The following FGF1 variants were observed in gnomAD, a reference collection of about 807,000 sequenced individuals.
FGF1 encodes beta-endothelial cell growth factor.
Under a neutral mutation model 13.4 loss-of-function variants are expected in FGF1, and 9 were observed. The observed-to-expected ratio is 0.67, with a 90% confidence interval of 0.40 to 1.17. The LOEUF is 1.17. Among genes scored for constraint, FGF1 ranks in the 50% most tolerant of loss-of-function variants. The probability of loss-of-function intolerance (pLI) is 0.01; values close to 1 mark genes in which losing one functional copy is unlikely to be tolerated. For missense variants in FGF1, 156 were observed against 192.7 expected (o/e 0.81, Z 1.13); for synonymous variants, 93 against 79.0 (o/e 1.18, Z -0.94).
Position 142,593,940 on chromosome 5 carries a change from C to T in FGF1, c.*1350G>A, listed in dbSNP as rs953412914. On this transcript the variant is annotated 3_prime_UTR_variant, in exon 4 of 4. Transcript: ENST00000337706. The stretch of plus-strand genomic sequence containing the variant: ...TACAAGTAATGGTAATACAAATGGT[C>T]TCCTGGGAAAAGCTGTTGGTAAGGG... 4.6e-5 allele frequency: 7 copies of T among 152,534 alleles called. No homozygotes were observed. Among genetic ancestry groups the T allele is most frequent in the Admixed American group, 2.6e-4 (4 of 15,264 alleles). 9.4% of individuals were successfully genotyped at this position (152,534 alleles called of 1,614,324 possible).
At chr5:142,639,445 T>C (rs1380833876) in intron 1 of FGF1, among the ~76,000 whole-genome samples, 8 of 152,038 alleles carry the variant, frequency 5.3e-5, no homozygotes, top group Non-Finnish European at 8.8e-5. Context: ...GAGGACATTA[T>C]GCTAAGTGAA....
At chr5:142,658,766 G>C (rs907254902) in intron 1 of FGF1, among the ~76,000 whole-genome samples, 2 of 152,172 alleles carry the variant, frequency 1.3e-5, no homozygotes, top group Non-Finnish European at 2.9e-5. Context: ...TTTAAGTTGA[G>C]ATTTGAAGGA....
At chr5:142,635,402 C>G (rs571388797) in intron 1 of FGF1, among the ~76,000 whole-genome samples, 1 of 152,094 alleles carries the variant, frequency 6.6e-6, no homozygotes, top group African/African-American at 2.4e-5. Flanking sequence ...CAGGCCCTTC[C>G]CTATGGGAGC....
chr5:142,666,293 C>T (rs1050533104), intron 1 of FGF1, among the ~76,000 whole-genome samples: 17 of 150,768 alleles, frequency 1.1e-4, no homozygotes, highest in East Asian at 3.9e-4. Context: ...CACACACACA[C>T]ACACACACAC....
At chr5:142,681,499 A>T (rs993967910) in intron 1 of FGF1, among the ~76,000 whole-genome samples, 1 of 152,166 alleles carries the variant, frequency 6.6e-6, no homozygotes, top group Non-Finnish European at 1.5e-5. Flanking sequence ...ACCCAATCCC[A>T]GAGGCTATGG....
At chr5:142,613,615 A>G (rs935031101) in intron 2 of FGF1, among the ~76,000 whole-genome samples, 3 of 152,210 alleles carry the variant, frequency 2.0e-5, no homozygotes, top group African/African-American at 7.2e-5. Context: ...CCCATCATGA[A>G]GCGTGCAGGC....
chr5:142,616,141 G>A (rs2151881170), intron 1 of FGF1, among the ~76,000 whole-genome samples: 1 of 152,350 alleles, frequency 6.6e-6, no homozygotes, highest in South Asian at 2.1e-4. Flanking sequence ...TGCTCTCATA[G>A]GAGATGGTTC....
At chr5:142,681,275 A>T (rs1191165041) in intron 1 of FGF1, among the ~76,000 whole-genome samples, 1 of 152,248 alleles carries the variant, frequency 6.6e-6, no homozygotes, top group East Asian at 1.9e-4. Flanking sequence ...CTGTGCTCAG[A>T]TACTTACCCA....
At chr5:142,675,479 G>A (rs762676008) in intron 1 of FGF1, among the ~76,000 whole-genome samples, 1 of 152,114 alleles carries the variant, frequency 6.6e-6, no homozygotes, top group East Asian at 1.9e-4. Flanking sequence ...CTCAGACCTC[G>A]AAAACATTGA....
chr5:142,606,214 C>CTGTGTGTGTGTGTGTGTGTG (rs1283591761), intron 2 of FGF1, among the ~76,000 whole-genome samples: 37 of 71,088 alleles, frequency 5.2e-4, no homozygotes, highest in African/African-American at 1.9e-3. Flanking sequence ...CATTCTTTCT[C>CTGTGTGTGTGTGTGTGTGTG]TCTCTGTGTG....
upstream of FGF1, among the ~76,000 whole-genome samples, chr5:142,689,924 A>C (rs1751894869): frequency 6.7e-6 from 1 of 148,300 alleles, no homozygotes; most frequent in Non-Finnish European, 1.5e-5. Flanking sequence ...AATGGTCTCG[A>C]TCTCCTGATC....
intron 2 of FGF1, among the ~76,000 whole-genome samples, chr5:142,612,293 C>T (rs1759230046): frequency 6.6e-6 from 1 of 152,184 alleles, no homozygotes; most frequent in South Asian, 2.1e-4. Flanking sequence ...AAGCCATTTT[C>T]CATTGCTACA....
At chr5:142,619,054 C>A (rs981975308) in intron 1 of FGF1, among the ~76,000 whole-genome samples, 1 of 151,172 alleles carries the variant, frequency 6.6e-6, no homozygotes, top group Non-Finnish European at 1.5e-5. Flanking sequence ...CCTGCCTCAG[C>A]CTCCTGAGTA....
chr5:142,659,512 C>T (rs1050913544), intron 1 of FGF1, among the ~76,000 whole-genome samples: 1 of 152,128 alleles, frequency 6.6e-6, no homozygotes, highest in Non-Finnish European at 1.5e-5. Context: ...TGAGCCACTG[C>T]GCCCAGCCCT....
intron 1 of FGF1, among the ~76,000 whole-genome samples, chr5:142,648,261 A>T (rs1172493908): frequency 6.7e-6 from 1 of 150,220 alleles, no homozygotes; most frequent in Non-Finnish European, 1.5e-5. Context: ...CCAACCCAAT[A>T]TCCACCAGTG....
intron 2 of FGF1, among the ~76,000 whole-genome samples, chr5:142,691,600 T>G (rs1024783254): frequency 6.6e-6 from 1 of 152,114 alleles, no homozygotes; most frequent in Non-Finnish European, 1.5e-5. Context: ...AGACCAGTGG[T>G]TCTCAAGCTC....
intron 1 of FGF1, among the ~76,000 whole-genome samples, chr5:142,667,044 G>A (rs1200009838): frequency 6.6e-6 from 1 of 152,140 alleles, no homozygotes; most frequent in Admixed American, 6.5e-5. Flanking sequence ...CACTTTGGGA[G>A]GCCAAGGCAG....
chr5:142,675,663 A>G (rs971320625), intron 1 of FGF1, among the ~76,000 whole-genome samples: 1 of 152,208 alleles, frequency 6.6e-6, no homozygotes, highest in Admixed American at 6.5e-5. Flanking sequence ...CTTACAGATA[A>G]GGCAACTAAA....
In FGF1 at chr5:142,592,922, A is replaced by C. The variant is rs1754551863; in HGVS notation, c.*2368T>G. The C allele has an allele frequency of 6.6e-6, 1 of 152,648 alleles. No homozygotes were observed. Among genetic ancestry groups the C allele is most frequent in the Non-Finnish European group, 1.5e-5 (1 of 68,364 alleles). The allele number at this position is 152,648 out of a possible 1,614,324, so 9.5% of individuals were successfully genotyped here. A position where few individuals can be genotyped will look rare whatever the true frequency, so the allele number is the denominator to read the frequency against. On this transcript the variant is annotated 3_prime_UTR_variant, in exon 4 of 4. Coordinates refer to ENST00000337706, the MANE Select transcript of FGF1 (RefSeq NM_000800.5). ...TTGAATCCACAGCATCTTTCATCAT[A>C]AATATAATGCCCTGGGAGAAGATAC...
Sources: allele counts gnomAD v4.1 joint callset (sites outside exome capture counted in the v4.1 genomes callset), GRCh38; gene constraint gnomAD v4.1.1; transcripts MANE v1.5; gene names NCBI Gene and HGNC (gene_info 2026-07-23, HGNC 2026-07-21).